The following ZNF385D variants were observed in gnomAD, a reference collection of about 807,000 sequenced individuals.
ZNF385D encodes zinc finger protein 385D.
Under a neutral mutation model 35.8 loss-of-function variants are expected in ZNF385D, and 15 were observed. The ratio of observed to expected loss-of-function variants is 0.42; its 90% CI spans 0.28 to 0.64. The LOEUF (loss-of-function observed/expected upper bound fraction) is 0.64, where lower values mean the gene tolerates loss of function less well. Among genes scored for constraint, ZNF385D ranks in the 30% least tolerant of loss-of-function variants. The pLI is 0.23. For missense variants in ZNF385D, 474 were observed against 494.6 expected (o/e 0.96, Z 0.39); for synonymous variants, 212 against 186.8 (o/e 1.13, Z -1.10).
intron 3 of ZNF385D, among the ~76,000 whole-genome samples, chr3:21,786,125 T>A (rs767945405): frequency 6.6e-6 from 1 of 152,150 alleles, no homozygotes; most frequent in Admixed American, 6.5e-5. Flanking sequence ...GTTCATAAAC[T>A]GTTCAACATC....
intron 2 of ZNF385D, among the ~76,000 whole-genome samples, chr3:22,199,559 G>A (rs1696643575): frequency 6.6e-6 from 1 of 152,070 alleles, no homozygotes; most frequent in African/African-American, 2.4e-5. Context: ...AGTCTGTAAT[G>A]TACACTACAG....
intron 3 of ZNF385D, among the ~76,000 whole-genome samples, chr3:22,085,529 G>T (rs530485261): frequency 6.6e-6 from 1 of 152,274 alleles, no homozygotes; most frequent in South Asian, 2.1e-4. Context: ...AAACCAGGAA[G>T]AAGTTGAATC....
intron 2 of ZNF385D, among the ~76,000 whole-genome samples, chr3:22,169,918 C>G (rs1380042136): frequency 6.6e-6 from 1 of 152,174 alleles, no homozygotes; most frequent in African/African-American, 2.4e-5. Flanking sequence ...CTTTAGCCTA[C>G]TAAGTAGCTG....
intron 7 of ZNF385D, among the ~76,000 whole-genome samples, chr3:21,421,897 G>A (rs1700756214): frequency 6.6e-6 from 1 of 152,064 alleles, no homozygotes; most frequent in Non-Finnish European, 1.5e-5. Context: ...GTTTCCAATT[G>A]TATGAGGTAC....
intron 3 of ZNF385D, among the ~76,000 whole-genome samples, chr3:22,009,392 G>C (rs957815752): frequency 7.9e-5 from 12 of 152,198 alleles, no homozygotes; most frequent in African/African-American, 2.2e-4. Context: ...GGGAGGCCAA[G>C]TCAGGCAGAT....
intron 3 of ZNF385D, among the ~76,000 whole-genome samples, chr3:22,102,428 C>T (rs1049818231): frequency 6.6e-6 from 1 of 151,982 alleles, no homozygotes; most frequent in Admixed American, 6.6e-5. Context: ...AGACAAGAGT[C>T]CTTGCACCTC....
At chr3:22,283,625 A>G (rs951973281) in intron 2 of ZNF385D, among the ~76,000 whole-genome samples, 3 of 152,160 alleles carry the variant, frequency 2.0e-5, no homozygotes, top group Non-Finnish European at 4.4e-5. Flanking sequence ...AGCTTTGAGC[A>G]AGATGCTGTT....
chr3:22,296,294 G>A (rs917408107), intron 2 of ZNF385D, among the ~76,000 whole-genome samples: 1 of 152,110 alleles, frequency 6.6e-6, no homozygotes. Flanking sequence ...TGCTCTGTGT[G>A]GCATTAGCGG....
At chr3:21,887,687 C>G (rs1306812781) in intron 3 of ZNF385D, among the ~76,000 whole-genome samples, 1 of 152,020 alleles carries the variant, frequency 6.6e-6, no homozygotes, top group Non-Finnish European at 1.5e-5. Flanking sequence ...TAGGCCACAT[C>G]TAACAGAAAA....
At chr3:21,716,568 T>C (rs571401142) in intron 1 of ZNF385D, among the ~76,000 whole-genome samples, 2 of 152,270 alleles carry the variant, frequency 1.3e-5, no homozygotes, top group South Asian at 4.1e-4. Context: ...TTTGCCTAGA[T>C]ATGTGCCTGG....
At chr3:21,999,695 G>C (rs1559835644) in intron 3 of ZNF385D, among the ~76,000 whole-genome samples, 1 of 151,258 alleles carries the variant, frequency 6.6e-6, no homozygotes. Flanking sequence ...CCAACAGATA[G>C]CTTCAAAAAT....
chr3:22,339,330 C>T (rs6765786), intron 2 of ZNF385D, among the ~76,000 whole-genome samples: 12,546 of 152,172 alleles, frequency 0.082, 904 homozygotes, highest in African/African-American at 0.2. Flanking sequence ...TAGCTAATAT[C>T]ATTTTCTCAC....
At chr3:22,131,438 G>A (rs1166652889) in intron 3 of ZNF385D, among the ~76,000 whole-genome samples, 1 of 152,116 alleles carries the variant, frequency 6.6e-6, no homozygotes, top group African/African-American at 2.4e-5. Context: ...AAAGGAATAG[G>A]TGGGGTTGAA....
intron 3 of ZNF385D, among the ~76,000 whole-genome samples, chr3:21,859,046 C>A (rs192253146): frequency 6.6e-6 from 1 of 151,504 alleles, no homozygotes; most frequent in African/African-American, 2.4e-5. Flanking sequence ...GGGAAGTAGG[C>A]GGGGAGAGAA....
intron 2 of ZNF385D, among the ~76,000 whole-genome samples, chr3:22,325,685 G>C (rs1694642400): frequency 6.6e-6 from 1 of 152,154 alleles, no homozygotes; most frequent in Non-Finnish European, 1.5e-5. Context: ...GTTGAACCCA[G>C]GGGCGGATGC....
At chr3:22,128,624 C>T (rs2125680791) in intron 3 of ZNF385D, among the ~76,000 whole-genome samples, 1 of 152,172 alleles carries the variant, frequency 6.6e-6, no homozygotes, top group South Asian at 2.1e-4. Flanking sequence ...CTCACTCATT[C>T]TTTCTTCTGT....
chr3:22,169,025 A>G (rs1706515858), exon 3 of ZNF385D: 2 of 985,830 alleles, frequency 2.0e-6, no homozygotes, highest in Non-Finnish European at 2.4e-6. Flanking sequence ...CATCGTGTAC[A>G]CAGGTGAAAT....
intron 2 of ZNF385D, among the ~76,000 whole-genome samples, chr3:22,304,445 G>A (rs1316687238): frequency 1.3e-5 from 2 of 152,204 alleles, no homozygotes; most frequent in East Asian, 3.9e-4. Context: ...TGTGAAAATT[G>A]TAAGGTATAT....
intron 4 of ZNF385D, among the ~76,000 whole-genome samples, chr3:21,442,379 T>C (rs979735131): frequency 5.9e-5 from 9 of 152,230 alleles, no homozygotes; most frequent in Admixed American, 5.9e-4. Context: ...TTTATTTTCT[T>C]CTTTCCTATG....
Sources: gnomAD v4.1 joint callset for allele counts (sites outside exome capture counted in the v4.1 genomes callset) on GRCh38, gnomAD v4.1.1 for gene constraint, MANE v1.5 for transcripts, NCBI Gene and HGNC (gene_info 2026-07-23, HGNC 2026-07-21) for gene names.